The following ACTR3B variants were observed in gnomAD, a reference collection of about 807,000 sequenced individuals.
ACTR3B encodes actin-related protein 3B.
Under a neutral mutation model 59.0 loss-of-function variants are expected in ACTR3B, and 8 were observed. That is an observed-to-expected ratio of 0.14 (90% confidence interval 0.08 to 0.24). The LOEUF is 0.24. ACTR3B is among the 10% of genes least tolerant of loss of function. The pLI, the probability that ACTR3B is intolerant of heterozygous loss-of-function variation, is 1.00. For missense variants in ACTR3B, 245 were observed against 552.3 expected (o/e 0.44, Z 5.58); for synonymous variants, 148 against 197.9 (o/e 0.75, Z 2.12).
In ACTR3B at chr7:152,852,694, C is replaced by T. The variant is rs1023377489; in HGVS notation, c.1077+443C>T. Among the ~76,000 whole-genome samples the T allele has an allele frequency of 2.0e-5, 3 of 152,282 alleles. No individual in the cohort carries two copies. In the South Asian group the frequency reaches 6.2e-4, roughly 32 times the overall value. ...TAGTAATTCTTAAGTAGCTGGTGATCACTGTGGGCTTCTAACCAAGAGTGG... is the reference window on the plus strand; with the variant it reads ...TAGTAATTCTTAAGTAGCTGGTGATTACTGTGGGCTTCTAACCAAGAGTGG... On this transcript the variant is annotated intron_variant, in intron 10 of 11. Transcript: ENST00000256001.
At chr7:152,771,660 T>C (rs2098124213) in intron 1 of ACTR3B, among the ~76,000 whole-genome samples, 1 of 152,170 alleles carries the variant, frequency 6.6e-6, no homozygotes, top group Admixed American at 6.5e-5. Context: ...CATTAATAAA[T>C]AAAAGACAAA....
chr7:152,842,822 G>C (rs1012723859), intron 9 of ACTR3B, among the ~76,000 whole-genome samples: 7 of 152,260 alleles, frequency 4.6e-5, no homozygotes, highest in Admixed American at 2.0e-4. Flanking sequence ...TTGTTGTATG[G>C]TAAGTTTTTC....
chr7:152,791,594 C>T (rs553268496), intron 2 of ACTR3B, among the ~76,000 whole-genome samples: 78 of 152,274 alleles, frequency 5.1e-4, no homozygotes, highest in Admixed American at 1.1e-3. Context: ...CCCCAGGAAA[C>T]GGATGTTGGT....
intron 9 of ACTR3B, 24 bp downstream of exon 9, chr7:152,825,146 C>G: frequency 1.2e-6 from 2 of 1,604,092 alleles, no homozygotes; most frequent in African/African-American, 2.7e-5. Context: ...GGGTAAGGTA[C>G]TTTGATTTCA....
At chr7:152,839,414 G>A (rs1167522419) in intron 9 of ACTR3B, among the ~76,000 whole-genome samples, 1 of 143,050 alleles carries the variant, frequency 7.0e-6, no homozygotes, top group African/African-American at 2.7e-5. Context: ...GTGTGACTTT[G>A]GCAGGTTACT....
intron 1 of ACTR3B, among the ~76,000 whole-genome samples, chr7:152,782,446 G>A (rs1284194809): frequency 6.6e-6 from 1 of 151,942 alleles, no homozygotes; most frequent in Non-Finnish European, 1.5e-5. Context: ...TAGGAGATTA[G>A]CAAATGCTTT....
chr7:152,759,857 G>T lies in ACTR3B; in HGVS notation c.-26G>T, dbSNP rs1386027101. ...GACGGGGCGCTCTCGGGCTGCCGGC[G>T]GGGCCGAGCGCCGCGCGTCCCGAGC... On this transcript the variant is annotated 5_prime_UTR_variant, in exon 1 of 12. Transcript: ENST00000256001. 2 of 1,267,030 alleles carry T rather than the reference G, an allele frequency of 1.6e-6. No homozygotes were observed. The highest frequency in any genetic ancestry group is 2.0e-6 in the Non-Finnish European group (2 of 1,002,834). 78.5% of individuals were successfully genotyped at this position (1,267,030 alleles called of 1,614,324 possible).
chr7:152,775,674 G>T (rs1191564527), intron 1 of ACTR3B, among the ~76,000 whole-genome samples: 1 of 151,746 alleles, frequency 6.6e-6, no homozygotes, highest in Non-Finnish European at 1.5e-5. Flanking sequence ...CAGGAGAATC[G>T]CTTGAACCCA....
intron 5 of ACTR3B, 96 bp downstream of exon 5, chr7:152,814,741 T>C: frequency 2.1e-6 from 2 of 945,958 alleles, no homozygotes; most frequent in Non-Finnish European, 3.2e-6. Flanking sequence ...AAGACTGCGC[T>C]GTGTGCCCTT....
intron 9 of ACTR3B, among the ~76,000 whole-genome samples, chr7:152,838,918 G>A (rs1797673051): frequency 6.6e-6 from 1 of 152,154 alleles, no homozygotes. Context: ...ATTATAAGAG[G>A]GTTGTTGTTG....
At chr7:152,782,920 T>G (rs1292776290) in intron 1 of ACTR3B, among the ~76,000 whole-genome samples, 1 of 152,180 alleles carries the variant, frequency 6.6e-6, no homozygotes, top group Non-Finnish European at 1.5e-5. Context: ...TAGGGATGCA[T>G]AAATGTAATT....
chr7:152,803,351 A>G (rs568136131), intron 4 of ACTR3B, among the ~76,000 whole-genome samples: 1 of 152,346 alleles, frequency 6.6e-6, no homozygotes, highest in South Asian at 2.1e-4. Flanking sequence ...CCCGGCCCAC[A>G]GTTGTTTATG....
At chr7:152,788,474 C>T in intron 2 of ACTR3B, among the ~76,000 whole-genome samples, 1 of 148,530 alleles carries the variant, frequency 6.7e-6, no homozygotes, top group Non-Finnish European at 1.5e-5. Flanking sequence ...TGCAGTGGCA[C>T]AGTCTCAGCT....
Position 152,847,113 on chromosome 7 carries a change from G to A in ACTR3B, c.952-5013G>A, listed in dbSNP as rs140722773. 7.1e-3 allele frequency among the ~76,000 whole-genome samples: 1,039 copies of A among 146,848 alleles called. 5 individuals carry two copies. The highest frequency in any genetic ancestry group is 0.011 in the Non-Finnish European group (746 of 67,066). The stretch of plus-strand genomic sequence containing the variant: ...TAGTCTGCAGTGAGCCCCAGTGTCC[G>A]GGCTGTAGTCTGTAGTGAGCTCTAG... On this transcript the variant is annotated intron_variant, in intron 9 of 11. Transcript: ENST00000256001.
At chr7:152,809,477 A>G (rs1282177951) in intron 4 of ACTR3B, among the ~76,000 whole-genome samples, 2 of 151,424 alleles carry the variant, frequency 1.3e-5, no homozygotes, top group Non-Finnish European at 2.9e-5. Flanking sequence ...CTGATTGTTC[A>G]TGTTCCAGGG....
intron 8 of ACTR3B, 74 bp downstream of exon 8, chr7:152,823,589 GT>G (rs1453784273): frequency 6.6e-7 from 1 of 1,519,942 alleles, no homozygotes; most frequent in African/African-American, 1.4e-5. Context: ...AGAAAGAGCA[GT>G]TCCCAGCGAA....
At position 152,852,263 on chromosome 7, in the gene ACTR3B, A is replaced by C. The variant is rs369637549; in HGVS notation, c.1077+12A>C. ...GCGGGAGGATCAAGGTAGGAGCCAG[A>C]GGCCTCCACGCAGTGCCTGGGGCTA... On this transcript the variant is annotated intron_variant, in intron 10 of 11. Coordinates refer to ENST00000256001, the MANE Select transcript of ACTR3B (RefSeq NM_020445.6). The C allele has an allele frequency of 1.3e-5, 21 of 1,602,380 alleles. No individual in the cohort carries two copies. The African/African-American group carries it at 1.8e-4, about 13-fold the overall frequency.
At chr7:152,817,469 G>A (rs1444404615) in intron 6 of ACTR3B, among the ~76,000 whole-genome samples, 5 of 152,178 alleles carry the variant, frequency 3.3e-5, no homozygotes, top group African/African-American at 1.2e-4. Flanking sequence ...TGGTTTCAGA[G>A]AAGTGATTCC....
intron 10 of ACTR3B, 69 bp downstream of exon 10, chr7:152,852,320 A>G: frequency 2.6e-6 from 4 of 1,529,208 alleles, no homozygotes; most frequent in Non-Finnish European, 3.5e-6. Context: ...CCCTCCTGAC[A>G]CAGAGCCGAA....
Sources: gnomAD v4.1 joint callset for allele counts (sites outside exome capture counted in the v4.1 genomes callset) on GRCh38, gnomAD v4.1.1 for gene constraint, MANE v1.5 for transcripts, NCBI Gene and HGNC (gene_info 2026-07-23, HGNC 2026-07-21) for gene names.